The following PARD3B variants were observed in gnomAD, a reference collection of about 807,000 sequenced individuals.
The protein encoded by PARD3B is partitioning defective 3 homolog B.
A neutral mutation model predicts 130.2 loss-of-function variants in PARD3B; 103 were observed. The ratio of observed to expected loss-of-function variants is 0.79; its 90% confidence interval spans 0.67 to 0.93. PARD3B has a LOEUF of 0.93. PARD3B is among the 40% of genes least tolerant of loss of function. PARD3B has a pLI of 0.00. For synonymous variants in PARD3B, 583 were observed against 553.2 expected (o/e 1.05, Z -0.76); for missense variants, 1,609 against 1,499.2 (o/e 1.07, Z -1.21).
chr2:205,480,789 G>C (rs2049204444), intron 20 of PARD3B, among the ~76,000 whole-genome samples: 2 of 152,136 alleles, frequency 1.3e-5, no homozygotes, highest in African/African-American at 4.8e-5. Context: ...TAATGAAGTT[G>C]ATACATTCAG....
At chr2:205,155,063 A>C (rs913672669) in intron 10 of PARD3B, among the ~76,000 whole-genome samples, 2 of 12,028 alleles carry the variant, frequency 1.7e-4, no homozygotes, top group Non-Finnish European at 5.2e-4. Context: ...TTTCATTTCA[A>C]AAAAAAAAAC....
At chr2:205,608,790 T>C (rs1015123573) in intron 22 of PARD3B, among the ~76,000 whole-genome samples, 5 of 152,210 alleles carry the variant, frequency 3.3e-5, no homozygotes, top group African/African-American at 1.2e-4. Context: ...TTGTGGTCAT[T>C]GTTTAAAAAA....
chr2:205,382,638 G>A (rs1236856055), intron 18 of PARD3B, among the ~76,000 whole-genome samples: 1 of 151,994 alleles, frequency 6.6e-6, no homozygotes, highest in Non-Finnish European at 1.5e-5. Context: ...GTGATTTCCT[G>A]TTGCACTAAT....
At chr2:204,855,985 A>G (rs970136993) in intron 2 of PARD3B, among the ~76,000 whole-genome samples, 1 of 152,108 alleles carries the variant, frequency 6.6e-6, no homozygotes, top group Non-Finnish European at 1.5e-5. Flanking sequence ...TATCTTGGCT[A>G]TTTTTGAATA....
chr2:204,978,180 G>T (rs568245499), intron 3 of PARD3B, among the ~76,000 whole-genome samples: 1 of 152,174 alleles, frequency 6.6e-6, no homozygotes, highest in Non-Finnish European at 1.5e-5. Flanking sequence ...CTGGGGAGTG[G>T]CATTGGAGAG....
intron 15 of PARD3B, among the ~76,000 whole-genome samples, chr2:205,235,007 C>T (rs1559570207): frequency 6.6e-6 from 1 of 152,022 alleles, no homozygotes; most frequent in Non-Finnish European, 1.5e-5. Flanking sequence ...AAAAACACTT[C>T]CTATAAAAAT....
intron 2 of PARD3B, among the ~76,000 whole-genome samples, chr2:204,903,127 T>G (rs556072142): frequency 6.6e-6 from 1 of 152,260 alleles, no homozygotes; most frequent in Non-Finnish European, 1.5e-5. Context: ...ATGGTACTTC[T>G]AGTTTTAAGT....
At chr2:205,303,840 C>A (rs564528009) in intron 18 of PARD3B, among the ~76,000 whole-genome samples, 3 of 152,142 alleles carry the variant, frequency 2.0e-5, no homozygotes, top group African/African-American at 7.2e-5. Flanking sequence ...TTACTTGTAG[C>A]CCCCTCACTT....
intron 1 of PARD3B, among the ~76,000 whole-genome samples, chr2:204,625,464 C>T (rs2034455491): frequency 6.6e-6 from 1 of 152,114 alleles, no homozygotes. Context: ...ACAACTGATC[C>T]CTGCCAGGAT....
intron 1 of PARD3B, among the ~76,000 whole-genome samples, chr2:204,636,686 T>G (rs2034892169): frequency 6.6e-6 from 1 of 152,130 alleles, no homozygotes; most frequent in Non-Finnish European, 1.5e-5. Context: ...GAATTTAGCC[T>G]TTTCTTTGGT....
intron 1 of PARD3B, among the ~76,000 whole-genome samples, chr2:204,638,506 C>A (rs183942512): frequency 6.6e-6 from 1 of 152,188 alleles, no homozygotes. Context: ...TTGCTTTAGC[C>A]AAGTGTAATT....
At chr2:204,829,998 CAAA>C (rs745415671) in intron 2 of PARD3B, among the ~76,000 whole-genome samples, 93 of 47,698 alleles carry the variant, frequency 1.9e-3, no homozygotes, top group African/African-American at 2.5e-3. Context: ...GACTCCGTCT[CAAA>C]AAAAAAAAAA....
chr2:205,571,483 A>G (rs546574946), intron 22 of PARD3B, among the ~76,000 whole-genome samples: 2 of 152,366 alleles, frequency 1.3e-5, no homozygotes, highest in African/African-American at 4.8e-5. Context: ...CAGCTGTTGG[A>G]CCACCTTTTG....
chr2:204,986,870 T>A (rs1693201888), intron 3 of PARD3B, among the ~76,000 whole-genome samples: 1 of 152,234 alleles, frequency 6.6e-6, no homozygotes, highest in Non-Finnish European at 1.5e-5. Context: ...TTCTCAATAG[T>A]CATGTGTTGC....
chr2:204,978,701 C>A (rs1283660375), intron 3 of PARD3B, among the ~76,000 whole-genome samples: 2 of 152,068 alleles, frequency 1.3e-5, no homozygotes, highest in East Asian at 3.9e-4. Flanking sequence ...GTGTCTCATG[C>A]CTGTAATCCT....
intron 22 of PARD3B, among the ~76,000 whole-genome samples, chr2:205,595,097 G>C (rs541664227): frequency 6.6e-6 from 1 of 152,206 alleles, no homozygotes; most frequent in Admixed American, 6.5e-5. Flanking sequence ...TTTTACACAT[G>C]AGGTTATTGA....
chr2:204,824,654 C>T (rs1230734990), intron 2 of PARD3B, among the ~76,000 whole-genome samples: 1 of 152,016 alleles, frequency 6.6e-6, no homozygotes, highest in Non-Finnish European at 1.5e-5. Flanking sequence ...GTAGCTTTTC[C>T]CAAATATTTA....
chr2:204,870,712 G>A (rs2045598939), intron 2 of PARD3B, among the ~76,000 whole-genome samples: 1 of 152,116 alleles, frequency 6.6e-6, no homozygotes, highest in African/African-American at 2.4e-5. Flanking sequence ...TTGCATTTCA[G>A]TTGAATAAAA....
chr2:204,787,216 A>G (rs1215743785), intron 2 of PARD3B, among the ~76,000 whole-genome samples: 1 of 133,818 alleles, frequency 7.5e-6, no homozygotes, highest in South Asian at 2.4e-4. Context: ...GGCATGTTTG[A>G]CTTGCTGCCC....
Sources: gnomAD v4.1 joint callset for allele counts (sites outside exome capture counted in the v4.1 genomes callset) on GRCh38, gnomAD v4.1.1 for gene constraint, MANE v1.5 for transcripts, NCBI Gene and HGNC (gene_info 2026-07-23, HGNC 2026-07-21) for gene names.